TANGO6: variants seen among roughly 807,000 people sequenced by gnomAD.
The protein encoded by TANGO6 is transport and Golgi organization protein 6 homolog.
A neutral mutation model predicts 114.2 loss-of-function variants in TANGO6; 90 were observed. That is an observed-to-expected ratio of 0.79 (90% confidence interval 0.66 to 0.94). The LOEUF is 0.94. Ranked by LOEUF, TANGO6 falls within the 40% of genes least tolerant of loss-of-function variation. TANGO6 has a pLI of 0.00. For missense variants in TANGO6, 1,274 were observed against 1,315.3 expected, an observed-to-expected ratio of 0.97 and a Z score of 0.49; for synonymous variants, 477 against 509.8, an observed-to-expected ratio of 0.94 and a Z score of 0.87.
chr16:68,892,605 C>T (rs1489261176), intron 7 of TANGO6, among the ~76,000 whole-genome samples: 1 of 151,620 alleles, frequency 6.6e-6, no homozygotes, highest in Non-Finnish European at 1.5e-5. Context: ...ACCTCCGCCT[C>T]CTGGGTTCAA....
At chr16:68,858,870 C>T (rs897640769) in intron 1 of TANGO6, among the ~76,000 whole-genome samples, 11 of 152,112 alleles carry the variant, frequency 7.2e-5, no homozygotes, top group Non-Finnish European at 1.5e-4. Flanking sequence ...TGATGTTTTT[C>T]GTTAGCATTC....
chr16:68,979,569 C>G (rs1461441472), intron 15 of TANGO6, among the ~76,000 whole-genome samples: 1 of 151,988 alleles, frequency 6.6e-6, no homozygotes, highest in African/African-American at 2.4e-5. Context: ...AAAATGTCTT[C>G]CAGAGAAGTT....
intron 14 of TANGO6, among the ~76,000 whole-genome samples, chr16:68,971,170 A>G (rs1963701222): frequency 6.6e-6 from 1 of 151,960 alleles, no homozygotes; most frequent in African/African-American, 2.4e-5. Context: ...AAAAAAAGAA[A>G]GTTATGATAG....
At chr16:68,987,210 C>G (rs536673569) in intron 15 of TANGO6, among the ~76,000 whole-genome samples, 2 of 151,852 alleles carry the variant, frequency 1.3e-5, no homozygotes, top group East Asian at 1.9e-4. Flanking sequence ...TCTATGTGTG[C>G]TAATAAAAAT....
At chr16:69,039,090 C>G (rs1022696021) in intron 16 of TANGO6, among the ~76,000 whole-genome samples, 1 of 151,946 alleles carries the variant, frequency 6.6e-6, no homozygotes, top group African/African-American at 2.4e-5. Context: ...GAGGTTGAGG[C>G]AGGAGAATGG....
intron 1 of TANGO6, among the ~76,000 whole-genome samples, chr16:68,856,560 T>G (rs1217673692): frequency 6.6e-6 from 1 of 152,220 alleles, no homozygotes; most frequent in Non-Finnish European, 1.5e-5. Flanking sequence ...TTATAGAATA[T>G]TTGAGCAGAA....
intron 15 of TANGO6, among the ~76,000 whole-genome samples, chr16:68,980,978 A>C (rs1963830385): frequency 6.6e-6 from 1 of 151,798 alleles, no homozygotes; most frequent in Non-Finnish European, 1.5e-5. Flanking sequence ...TGGTCAACAG[A>C]GTGAGACTCC....
At chr16:69,039,264 G>T (rs1355039547) in intron 16 of TANGO6, among the ~76,000 whole-genome samples, 1 of 150,916 alleles carries the variant, frequency 6.6e-6, no homozygotes, top group Non-Finnish European at 1.5e-5. Flanking sequence ...GGAGGCAGAG[G>T]TTGCAGTGAG....
intron 15 of TANGO6, among the ~76,000 whole-genome samples, chr16:68,982,488 C>T (rs1413754129): frequency 2.6e-5 from 4 of 152,060 alleles, no homozygotes; most frequent in African/African-American, 7.2e-5. Context: ...TGCCACCACG[C>T]CCCGCTAATT....
intron 5 of TANGO6, among the ~76,000 whole-genome samples, chr16:68,877,132 C>T (rs1260468483): frequency 6.6e-6 from 1 of 152,150 alleles, no homozygotes; most frequent in Admixed American, 6.6e-5. Flanking sequence ...TTTTTACCCA[C>T]ACAATGTGTT....
At chr16:69,038,530 T>C (rs1486921766) in intron 16 of TANGO6, among the ~76,000 whole-genome samples, 1 of 152,214 alleles carries the variant, frequency 6.6e-6, no homozygotes. Flanking sequence ...TTTTTCTCTT[T>C]TTAAAGCTTA....
At chr16:68,991,805 A>G (rs1963948226) in intron 15 of TANGO6, among the ~76,000 whole-genome samples, 1 of 152,098 alleles carries the variant, frequency 6.6e-6, no homozygotes, top group Non-Finnish European at 1.5e-5. Context: ...AGCCCGGGTG[A>G]CAGAGCAAGA....
intron 7 of TANGO6, among the ~76,000 whole-genome samples, chr16:68,898,036 CTTA>C (rs1962730443): frequency 6.6e-6 from 1 of 151,906 alleles, no homozygotes; most frequent in South Asian, 2.1e-4. Flanking sequence ...TGTTTGGGGG[CTTA>C]TTATTTTTTG....
chr16:68,963,563 G>T (rs557233415), intron 14 of TANGO6, among the ~76,000 whole-genome samples: 1 of 152,246 alleles, frequency 6.6e-6, no homozygotes, highest in African/African-American at 2.4e-5. Flanking sequence ...AAAAAATTTT[G>T]GACATGACCT....
intron 16 of TANGO6, among the ~76,000 whole-genome samples, chr16:69,030,546 C>T (rs887595780): frequency 7.9e-5 from 12 of 151,930 alleles, no homozygotes; most frequent in Non-Finnish European, 1.8e-4. Flanking sequence ...TTAGTGGTGG[C>T]AGAAGCTAAG....
chr16:68,860,130 C>G lies in TANGO6; in HGVS notation c.341C>G (p.Ala114Gly). ...AAGGAAACCATGATCCGCCTTGCAG[C>G]TAATTTCAATCCAGGTAAACCCAAC... is the stretch of plus-strand genomic sequence containing the variant. The part of the protein sequence containing the change: ...CLKETMIRLA[A>G]NFNPGKPNPR... Residue 114 changes from alanine (A) to glycine (G), a missense_variant, in exon 2 of 18, where the codon GCT becomes GGT. Coordinates refer to ENST00000261778, the MANE Select transcript of TANGO6 (RefSeq NM_024562.2). The G allele has an allele frequency of 6.2e-7, 1 of 1,614,048 alleles. No homozygotes were observed. The highest frequency in any genetic ancestry group is 2.2e-5 in the East Asian group (1 of 44,876).
chr16:68,918,043 C>T (rs1271560848), intron 11 of TANGO6, among the ~76,000 whole-genome samples: 3 of 151,952 alleles, frequency 2.0e-5, no homozygotes, highest in Non-Finnish European at 2.9e-5. Context: ...CTCAGCCTCC[C>T]GAGTAGCTGA....
At chr16:68,969,771 T>A (rs1963684610) in intron 14 of TANGO6, among the ~76,000 whole-genome samples, 1 of 152,112 alleles carries the variant, frequency 6.6e-6, no homozygotes, top group Non-Finnish European at 1.5e-5. Context: ...ACAGTCCAAC[T>A]GGCATGAGCA....
At chr16:68,933,080 C>G (rs546952516) in intron 14 of TANGO6, among the ~76,000 whole-genome samples, 1 of 152,146 alleles carries the variant, frequency 6.6e-6, no homozygotes, top group Admixed American at 6.5e-5. Flanking sequence ...ATCTCTGTAA[C>G]TTCTCAGATC....
Sources: gnomAD v4.1 joint callset for allele counts (sites outside exome capture counted in the v4.1 genomes callset) on GRCh38, gnomAD v4.1.1 for gene constraint, MANE v1.5 for transcripts, NCBI Gene and HGNC (gene_info 2026-07-23, HGNC 2026-07-21) for gene names.